DPP7: variants seen among roughly 807,000 people sequenced by gnomAD.
DPP7 encodes the protein dipeptidyl peptidase 7.
Under a neutral mutation model 58.8 loss-of-function variants are expected in DPP7, and 74 were observed. The ratio of observed to expected loss-of-function variants is 1.26; its 90% CI spans 1.04 to 1.53. The LOEUF (loss-of-function observed/expected upper bound fraction) is 1.53, where lower values mean the gene tolerates loss of function less well. Ranked by LOEUF, DPP7 falls within the 40% of genes most tolerant of loss-of-function variation. DPP7 has a pLI of 0.00. For synonymous variants in DPP7, 350 were observed against 303.6 expected, an observed-to-expected ratio of 1.15 and a Z score of -1.59; for missense variants, 807 against 692.3, an observed-to-expected ratio of 1.17 and a Z score of -1.86.
At chr9:137,116,086 G>A (rs575691901), upstream of DPP7, among the ~76,000 whole-genome samples, 236 of 152,288 alleles carry the variant, frequency 1.5e-3, no homozygotes, top group African/African-American at 5.2e-3. Flanking sequence ...GCCTGGAGAC[G>A]CTCCAGGCTT....
At chr9:137,118,019 A>G (rs1831669586), upstream of DPP7, among the ~76,000 whole-genome samples, 1 of 150,484 alleles carries the variant, frequency 6.6e-6, no homozygotes, top group Non-Finnish European at 1.5e-5. Context: ...ACAGAGTCTC[A>G]CTCTGTTGTC....
At chr9:137,117,762 T>C (rs188946513), upstream of DPP7, among the ~76,000 whole-genome samples, 5 of 152,282 alleles carry the variant, frequency 3.3e-5, no homozygotes, top group South Asian at 2.1e-4. Context: ...TAATATAAAA[T>C]TGACCACTTA....
upstream of DPP7, chr9:137,114,799 G>C: frequency 1.0e-6 from 1 of 974,992 alleles, no homozygotes; most frequent in South Asian, 5.0e-5. Context: ...CGTGTTTCGG[G>C]CGCCCGCGGT....
At chr9:137,114,976 G>A (rs1341993034), upstream of DPP7, 3 of 312,114 alleles carry the variant, frequency 9.6e-6, no homozygotes, top group South Asian at 3.2e-4. Context: ...TCCTCCTACC[G>A]CGGCCCCATC....
At chr9:137,113,153 C>T (rs748989427) in intron 6 of DPP7, 34 bp from the exon 7 acceptor site, 3 of 1,613,736 alleles carry the variant, frequency 1.9e-6, no homozygotes, top group Non-Finnish European at 2.5e-6. Context: ...GAAGTTTGGG[C>T]ATAGCTGGCG....
chr9:137,111,316 T>TAGAGGTAGGCG (rs1831355592), intron 11 of DPP7, among the ~76,000 whole-genome samples: 1 of 74,362 alleles, frequency 1.3e-5, no homozygotes, highest in African/African-American at 4.0e-5. Context: ...GGGAGCAGGG[T>TAGAGGTAGGCG]AGGGGCAGGC....
rs1401754178 is a variant in DPP7, at chr9:137,110,743, G to A, written c.1384C>T (p.Arg462Trp). Residue 462 changes from arginine (R) to tryptophan (W), a missense_variant, in exon 13 of 13, where the codon CGG becomes TGG. Arg to Trp is a moderately radical substitution (Grantham distance 101). Coordinates refer to ENST00000371579, the MANE Select transcript of DPP7 (RefSeq NM_013379.3). The stretch of plus-strand genomic sequence containing the variant: ...CCGATGATGGTGGCCTCCAGCTTCC[G>A]CGCCTCAACCACGGAAGCAGGATCT... Reference protein sequence around the residue: ...PEDPASVVEARKLEATIIGEW... With the variant: ...PEDPASVVEAWKLEATIIGEW... 6 of 1,606,778 alleles carry A rather than the reference G, an allele frequency of 3.7e-6. No individual in the cohort carries two copies. Among genetic ancestry groups the A allele is most frequent in the African/African-American group, 1.3e-5 (1 of 74,984 alleles).
rs571126074 is a variant in DPP7 at position 137,111,850 on chromosome 9, G to T, written c.1207+23C>A. ...AGCTCGGGGCAGAAAGCAGGACGCTGGCCCACCCCCCCTCAGCCTTACCAC... is the reference window on the plus strand; with the variant it reads ...AGCTCGGGGCAGAAAGCAGGACGCTTGCCCACCCCCCCTCAGCCTTACCAC... On this transcript the variant is annotated intron_variant, in intron 10 of 12. Coordinates refer to ENST00000371579, the MANE Select transcript of DPP7 (RefSeq NM_013379.3). The T allele has an allele frequency of 7.3e-5, 118 of 1,611,762 alleles. 1 individual carries two copies. The South Asian group carries it at 1.2e-3, about 17-fold the overall frequency.
chr9:137,113,121 T>C lies in DPP7; in HGVS notation c.704-2A>G. 6.2e-7 allele frequency: 1 copy of C among 1,613,706 alleles called. No homozygotes were observed. Among genetic ancestry groups the C allele is most frequent in the Non-Finnish European group, 8.5e-7 (1 of 1,179,986 alleles). ...ACTCCCAGCGGACCGTGTCGTAGGCTGCGTGGAAGGGGCAGAGACTTGAAG... is the reference window on the plus strand; with the variant it reads ...ACTCCCAGCGGACCGTGTCGTAGGCCGCGTGGAAGGGGCAGAGACTTGAAG... On this transcript the variant is annotated splice_acceptor_variant, in intron 6 of 12. Coordinates refer to ENST00000371579, the MANE Select transcript of DPP7 (RefSeq NM_013379.3). LOFTEE classifies it high-confidence loss of function.
chr9:137,117,089 G>A (rs532202837), upstream of DPP7, among the ~76,000 whole-genome samples: 81 of 152,334 alleles, frequency 5.3e-4, no homozygotes, highest in African/African-American at 1.5e-3. Context: ...GGGCCGGTGC[G>A]GGTCCTCCGT....
intron 2 of DPP7, 32 bp from the exon 3 acceptor site, chr9:137,114,414 G>C: frequency 6.4e-7 from 1 of 1,566,954 alleles, no homozygotes; most frequent in Non-Finnish European, 8.6e-7. Context: ...CGAGGGTGCC[G>C]GGGGGCGGCG....
At chr9:137,111,425 A>C (rs1189827956) in intron 11 of DPP7, among the ~76,000 whole-genome samples, 1 of 152,028 alleles carries the variant, frequency 6.6e-6, no homozygotes, top group East Asian at 1.9e-4. Context: ...CCATGCGGGG[A>C]AGATCGTTTG....
In DPP7 at chr9:137,114,683, G is replaced by A. The variant is rs1831575015; in HGVS notation, c.31C>T (p.Leu11=). The A allele has an allele frequency of 7.4e-7, 1 of 1,349,360 alleles. No individual in the cohort carries two copies. Among genetic ancestry groups the A allele is most frequent in the African/African-American group, 1.5e-5 (1 of 64,750 alleles). 83.6% of individuals were successfully genotyped at this position (1,349,360 alleles called of 1,614,324 possible). Residue 11 remains leucine, a synonymous_variant, in exon 1 of 13, where the codon CTG becomes TTG. Coordinates refer to ENST00000371579, the MANE Select transcript of DPP7 (RefSeq NM_013379.3). ...AGGCCGCGCAGCCCGAGCGCCAGCAGCAGGACCGGGGCCCAGGGAGCGGAG... is the reference window on the plus strand; with the variant it reads ...AGGCCGCGCAGCCCGAGCGCCAGCAACAGGACCGGGGCCCAGGGAGCGGAG... MGSAPWAPVL[L]LALGLRGLQA... is the part of the protein sequence containing the mutation.
intron 4 of DPP7, 48 bp downstream of exon 4, chr9:137,113,817 G>A (rs1481810096): frequency 7.1e-7 from 1 of 1,407,876 alleles, no homozygotes; most frequent in East Asian, 2.7e-5. Flanking sequence ...GGGGCGCTGG[G>A]TCGGGGCAGG....
In DPP7 at chr9:137,113,054, G is replaced by C; in HGVS notation, c.769C>G (p.Gln257Glu). ...QPLSDEKDLT[Q>E]LFMFARNAFT... ...GCATTCCGGGCGAACATGAAGAGCTGGGTCAGGTCCTTCTCGTCTGACAGC... is the reference window on the plus strand; with the variant it reads ...GCATTCCGGGCGAACATGAAGAGCTCGGTCAGGTCCTTCTCGTCTGACAGC... The change falls in exon 7 of 13, where the codon CAG (glutamine) becomes GAG (glutamate). Residue 257 changes from glutamine (Q) to glutamate (E), a missense_variant. This residue lies in a region of DPP7 where 624 missense variants were observed against 531.2 expected (regional missense o/e 1.17). Transcript: ENST00000371579. 6.2e-7 allele frequency: 1 copy of C among 1,613,920 alleles called. No individual in the cohort carries two copies. The highest frequency in any genetic ancestry group is 8.5e-7 in the Non-Finnish European group (1 of 1,180,026).
upstream of DPP7, among the ~76,000 whole-genome samples, chr9:137,117,649 C>T (rs1317788715): frequency 2.0e-5 from 3 of 152,246 alleles, no homozygotes; most frequent in Non-Finnish European, 4.4e-5. Flanking sequence ...CCACACATCA[C>T]GTCTGTGCTG....
At chr9:137,112,394 C>G (rs528363085) in intron 8 of DPP7, 164 bp from the exon 9 acceptor site, 202 of 659,484 alleles carry the variant, frequency 3.1e-4, no homozygotes, top group Non-Finnish European at 4.7e-4. Flanking sequence ...TGGAGGTCGG[C>G]GGTGTCTGTG....
Position 137,111,927 on chromosome 9 carries a change from T to A in DPP7, c.1153A>T (p.Thr385Ser). 1 of 1,454,522 alleles carries A rather than the reference T, an allele frequency of 6.9e-7. No individual in the cohort carries two copies. The highest frequency in any genetic ancestry group is 9.2e-7 in the Non-Finnish European group (1 of 1,082,048). The allele number at this position is 1,454,522 out of a possible 1,614,324, so 90.1% of individuals were successfully genotyped here. Residue 385 changes from threonine to serine, a missense_variant, in exon 10 of 13, where the codon ACC becomes TCC. Thr to Ser is a moderately conservative substitution (Grantham distance 58). Around this residue, in one of 3 missense-constraint regions of DPP7, gnomAD observed 624 missense variants for 531.2 expected, o/e 1.17. Transcript: ENST00000371579. ...TCGGGCCGGGGCCACACGCCCCAGG[T>A]GTCCAGGCAGTACCGCTGGCGGAGC... is the stretch of plus-strand genomic sequence containing the variant. ...DELRQRYCLD[T>S]WGVWPRPDWL...
Position 137,113,285 on chromosome 9 carries a change from G to C in DPP7, c.624C>G (p.Asp208Glu), listed in dbSNP as rs1831467647. The C allele has an allele frequency of 6.2e-7, 1 of 1,613,650 alleles. No homozygotes were observed. Among genetic ancestry groups the C allele is most frequent in the South Asian group, 1.1e-5 (1 of 91,092 alleles). ...TGCATTTGGGACTCTGGCCCTCAAAGTCCTGGGGGAAAGAGACCGTGCTGA... is the reference window on the plus strand; with the variant it reads ...TGCATTTGGGACTCTGGCCCTCAAACTCCTGGGGGAAAGAGACCGTGCTGA... ...SNQFFRDVTA[D>E]FEGQSPKCTQ... Residue 208 changes from aspartate (D) to glutamate (E), a missense_variant and splice_region_variant, in exon 6 of 13, where the codon GAC (aspartate) becomes GAG (glutamate). By Grantham distance (45) the Asp-to-Glu change is conservative. Coordinates refer to ENST00000371579, the MANE Select transcript of DPP7 (RefSeq NM_013379.3).
Sources: gnomAD v4.1 joint callset for allele counts (sites outside exome capture counted in the v4.1 genomes callset) on GRCh38, gnomAD v4.1.1 for gene constraint, gnomAD v4.1.1 regional missense constraint, MANE v1.5 for transcripts, NCBI Gene and HGNC (gene_info 2026-07-23, HGNC 2026-07-21) for gene names.